The following PARN variants were observed in gnomAD, a reference collection of about 807,000 sequenced individuals.
PARN encodes the protein poly(A)-specific ribonuclease PARN.
PARN carries 71 observed loss-of-function variants against 102.8 expected under a neutral mutation model. That is an observed-to-expected ratio of 0.69 (90% CI 0.57 to 0.84). The LOEUF (loss-of-function observed/expected upper bound fraction) is 0.84. Among genes scored for constraint, PARN ranks in the 40% least tolerant of loss-of-function variants. The pLI, the probability that PARN is intolerant of heterozygous loss-of-function variation, is 0.00. For synonymous variants in PARN, 261 were observed against 252.9 expected, an observed-to-expected ratio of 1.03 and a Z score of -0.30; for missense variants, 782 against 760.9, an observed-to-expected ratio of 1.03 and a Z score of -0.33.
intron 18 of PARN, chr16:14,576,266 C>T (rs1172739122): frequency 1.3e-5 from 2 of 152,238 alleles, no homozygotes; most frequent in East Asian, 1.9e-4. Flanking sequence ...GCCTAGATTT[C>T]CAGCGGAACC....
intron 6 of PARN, among the ~76,000 whole-genome samples, chr16:14,613,650 C>A (rs879745797): frequency 3.3e-5 from 5 of 152,048 alleles, no homozygotes; most frequent in Non-Finnish European, 7.4e-5. Context: ...AGCCATGGGA[C>A]ACTAAGGAAT....
chr16:14,596,776 T>C lies in PARN; in HGVS notation c.840+3128A>G, dbSNP rs555063090. 9.9e-5 allele frequency among the ~76,000 whole-genome samples: 15 copies of C among 151,422 alleles called. No individual in the cohort carries two copies. In the East Asian group the frequency reaches 2.9e-3, roughly 29 times the overall value. ...CATAAATAAACAGGGGAAAAGGACA[T>C]TTTTTTCTTTCCTTTTTTTTTTTTT... On this transcript the variant is annotated intron_variant, in intron 12 of 23. Transcript: ENST00000437198.
chr16:14,570,581 C>T (rs1250839277), intron 18 of PARN, among the ~76,000 whole-genome samples: 1 of 147,222 alleles, frequency 6.8e-6, no homozygotes, highest in Non-Finnish European at 1.5e-5. Flanking sequence ...ACCTGGGAGG[C>T]GGAGGTTGCA....
At chr16:14,507,394 A>G (rs1964951807) in intron 21 of PARN, among the ~76,000 whole-genome samples, 1 of 149,448 alleles carries the variant, frequency 6.7e-6, no homozygotes, top group Non-Finnish European at 1.5e-5. Flanking sequence ...TCTATCATGT[A>G]ATCAACAGAG....
chr16:14,534,167 C>A (rs955639367), intron 21 of PARN, among the ~76,000 whole-genome samples: 27 of 149,354 alleles, frequency 1.8e-4, no homozygotes, highest in African/African-American at 6.4e-4. Flanking sequence ...TGCTGTGAAC[C>A]AAGATCGCGC....
At chr16:14,527,716 G>T (rs1294317630) in intron 21 of PARN, among the ~76,000 whole-genome samples, 1 of 152,136 alleles carries the variant, frequency 6.6e-6, no homozygotes, top group South Asian at 2.1e-4. Context: ...CATCTAACAC[G>T]TGTTTTCTCT....
At chr16:14,498,765 G>A (rs1283133565) in intron 21 of PARN, among the ~76,000 whole-genome samples, 3 of 152,174 alleles carry the variant, frequency 2.0e-5, no homozygotes, top group Non-Finnish European at 4.4e-5. Flanking sequence ...AAATTTACTT[G>A]TTGTAACTGG....
intron 22 of PARN, among the ~76,000 whole-genome samples, chr16:14,451,608 G>C (rs576877491): frequency 6.6e-6 from 1 of 151,980 alleles, no homozygotes; most frequent in South Asian, 2.1e-4. Flanking sequence ...AAATTCAGAA[G>C]AATGGTGGGT....
At chr16:14,581,020 T>A (rs1399270145) in intron 17 of PARN, 77 bp from the exon 18 acceptor site, 5 of 798,404 alleles carry the variant, frequency 6.3e-6, no homozygotes, top group Non-Finnish European at 1.1e-5. Context: ...CAAAACAGAT[T>A]TAAATTAACA....
intron 18 of PARN, among the ~76,000 whole-genome samples, chr16:14,574,367 G>C (rs978218630): frequency 6.6e-6 from 1 of 152,154 alleles, no homozygotes; most frequent in African/African-American, 2.4e-5. Context: ...TCAGTTTTAT[G>C]AGGGAAGTAG....
At chr16:14,546,921 C>T (rs1398331502) in intron 21 of PARN, among the ~76,000 whole-genome samples, 1 of 151,950 alleles carries the variant, frequency 6.6e-6, no homozygotes, top group African/African-American at 2.4e-5. Flanking sequence ...GGTGAACCCT[C>T]GTCTCTACTA....
intron 19 of PARN, among the ~76,000 whole-genome samples, chr16:14,554,952 G>A (rs1967569372): frequency 6.6e-6 from 1 of 152,154 alleles, no homozygotes; most frequent in African/African-American, 2.4e-5. Flanking sequence ...CTCTAAGCAA[G>A]AGATCTAACC....
intron 22 of PARN, among the ~76,000 whole-genome samples, chr16:14,480,574 C>T (rs1228603664): frequency 6.6e-6 from 1 of 152,192 alleles, no homozygotes; most frequent in Non-Finnish European, 1.5e-5. Context: ...TCGTCAATAT[C>T]ATTAGTCATG....
chr16:14,611,161 T>C (rs1036719229), intron 6 of PARN, among the ~76,000 whole-genome samples: 2 of 152,172 alleles, frequency 1.3e-5, no homozygotes, highest in Non-Finnish European at 2.9e-5. Context: ...ATAAGTCGGA[T>C]ACGAAAGGAG....
chr16:14,504,608 G>A (rs1042109257), intron 21 of PARN, among the ~76,000 whole-genome samples: 1 of 151,968 alleles, frequency 6.6e-6, no homozygotes, highest in Non-Finnish European at 1.5e-5. Context: ...GAGAAAGTAG[G>A]GAGAGGGGAG....
At position 14,628,245 on chromosome 16, in the gene PARN, C is replaced by G. The variant is rs1972801342; in HGVS notation, c.104G>C (p.Ser35Thr). 1.3e-6 allele frequency: 2 copies of G among 1,586,562 alleles called. No individual in the cohort carries two copies. Among genetic ancestry groups the G allele is most frequent in the Admixed American group, 1.7e-5 (1 of 58,930 alleles). Reference sequence around the variant, plus strand: ...TAATGCAGAGACTGAAGGTCCATCACTGATTCCTAGATTTTAAGAAATAAA... The same window carrying G: ...TAATGCAGAGACTGAAGGTCCATCAGTGATTCCTAGATTTTAAGAAATAAA... ...FAIDGEFSGI[S>T]DGPSVSALTN... Residue 35 changes from serine to threonine, a missense_variant, in exon 3 of 24, where the codon AGT becomes ACT. Transcript: ENST00000437198.
At chr16:14,514,890 A>C (rs1965382947) in intron 21 of PARN, among the ~76,000 whole-genome samples, 1 of 152,208 alleles carries the variant, frequency 6.6e-6, no homozygotes, top group African/African-American at 2.4e-5. Context: ...CCATGGCATA[A>C]ATAAGGCTGC....
intron 5 of PARN, among the ~76,000 whole-genome samples, chr16:14,620,525 C>A (rs1280392837): frequency 1.3e-5 from 2 of 152,198 alleles, no homozygotes; most frequent in African/African-American, 4.8e-5. Context: ...CAAGTCAGAA[C>A]ATCAGCAGGC....
In PARN at chr16:14,463,842, G is replaced by C. The variant is rs949028612; in HGVS notation, c.1671-16761C>G. On this transcript the variant is annotated intron_variant, in intron 22 of 23. Coordinates refer to ENST00000437198, the MANE Select transcript of PARN (RefSeq NM_002582.4). The stretch of plus-strand genomic sequence containing the variant: ...AAAAGTCCAAACTTTTTTTTTTGGG[G>C]GGGGGGGGACGACAAGGTCTCACTC... 1.0e-4 allele frequency among the ~76,000 whole-genome samples: 15 copies of C among 143,322 alleles called. 2 individuals are homozygous for C. Among genetic ancestry groups the C allele is most frequent in the African/African-American group, 4.0e-4 (15 of 37,940 alleles). The allele number at this position is 143,322 out of a possible 152,430, so 94.0% of individuals were successfully genotyped here. A position where few individuals can be genotyped will look rare whatever the true frequency, so the allele number is the denominator to read the frequency against.
Sources: allele counts gnomAD v4.1 joint callset (sites outside exome capture counted in the v4.1 genomes callset), GRCh38; gene constraint gnomAD v4.1.1; transcripts MANE v1.5; gene names NCBI Gene and HGNC (gene_info 2026-07-23, HGNC 2026-07-21).